The following LDLRAP1 variants were observed in gnomAD, a reference collection of about 807,000 sequenced individuals.
The protein encoded by LDLRAP1 is low density lipoprotein receptor adapter protein 1.
In LDLRAP1, 30 loss-of-function variants were observed where a neutral mutation model predicts 37.8. That is an observed-to-expected ratio of 0.79 (90% CI 0.59 to 1.08). LDLRAP1 has a LOEUF of 1.08. Ranked by LOEUF, LDLRAP1 falls within the 50% of genes least tolerant of loss-of-function variation. The probability of loss-of-function intolerance (pLI) is 0.00; values close to 1 mark genes in which losing one functional copy is unlikely to be tolerated. For missense variants in LDLRAP1, 375 were observed against 401.6 expected, an observed-to-expected ratio of 0.93 and a Z score of 0.57; for synonymous variants, 156 against 169.8, an observed-to-expected ratio of 0.92 and a Z score of 0.63.
chr1:25,570,849 A>G (rs1183386553), downstream of LDLRAP1, among the ~76,000 whole-genome samples: 1 of 151,700 alleles, frequency 6.6e-6, no homozygotes, highest in Non-Finnish European at 1.5e-5. Context: ...ACAGAATGAG[A>G]CTCCTTCTCA....
chr1:25,582,358 G>A, the LDLRAP1 span, among the ~76,000 whole-genome samples: 7 of 152,264 alleles, frequency 4.6e-5, 1 homozygote, highest in East Asian at 5.8e-4. Context: ...AGGCCAAGGC[G>A]GGCAGATCAC....
At chr1:25,564,071 C>T in intron 7 of LDLRAP1, 5 of 467,650 alleles carry the variant, frequency 1.1e-5, no homozygotes, top group Non-Finnish European at 2.0e-5. Flanking sequence ...ACAAGACCAG[C>T]CAAAGGCGCC....
chr1:25,574,673 C>G, the LDLRAP1 span, among the ~76,000 whole-genome samples: 1 of 152,138 alleles, frequency 6.6e-6, no homozygotes. Context: ...GCCAGCCGAG[C>G]AAGAGGCTGA....
Position 25,554,134 on chromosome 1 carries a change from G to T in LDLRAP1, c.231+70G>T. ...ACCAGCTTCTTCCCAGGGTGCCCTC[G>T]TCCCAGCTTGTTACTCCAGTTGGGT... is the stretch of plus-strand genomic sequence containing the variant. On this transcript the variant is annotated intron_variant, in intron 2 of 8. Coordinates refer to ENST00000374338, the MANE Select transcript of LDLRAP1 (RefSeq NM_015627.3). This position sits in a 1 kb window ranked among gnomAD's most constrained non-coding sequence, Gnocchi z 5.4. The T allele has an allele frequency of 6.3e-7, 1 of 1,581,868 alleles. No individual in the cohort carries two copies. Among genetic ancestry groups the T allele is most frequent in the Middle Eastern group, 1.8e-4 (1 of 5,554 alleles).
the LDLRAP1 span, among the ~76,000 whole-genome samples, chr1:25,586,708 T>G: frequency 3.9e-5 from 6 of 152,154 alleles, no homozygotes; most frequent in East Asian, 7.7e-4. This position sits in a 1 kb window ranked among gnomAD's most constrained non-coding sequence, Gnocchi z 4.3. Context: ...GGGCTTCTCC[T>G]GCCTCACTCC....
In LDLRAP1 at chr1:25,550,760, T is replaced by C. The variant is rs181947247; in HGVS notation, c.89-3162T>C. ...GGGGCTTGAGCTGAGGGCCTAAGGC[T>C]GATGAGTGGCAACCAGTCTGTAAGG... On this transcript the variant is annotated intron_variant, in intron 1 of 8. Transcript: ENST00000374338. 1.6e-4 allele frequency among the ~76,000 whole-genome samples: 25 copies of C among 152,124 alleles called. No homozygotes were observed. The East Asian group carries it at 4.4e-3, about 27-fold the overall frequency.
the LDLRAP1 span, among the ~76,000 whole-genome samples, chr1:25,580,575 A>AGGTGC: frequency 1.3e-5 from 2 of 152,118 alleles, no homozygotes; most frequent in African/African-American, 4.8e-5. Context: ...TGGCACAATC[A>AGGTGC]CAGCTCATTG....
chr1:25,551,239 G>C (rs1332808146), intron 1 of LDLRAP1, among the ~76,000 whole-genome samples: 2 of 152,130 alleles, frequency 1.3e-5, no homozygotes, highest in Non-Finnish European at 1.5e-5. Flanking sequence ...GGTTGAAATT[G>C]GTGGCCTGGG....
the LDLRAP1 span, among the ~76,000 whole-genome samples, chr1:25,584,081 G>A: frequency 1.3e-5 from 2 of 152,122 alleles, no homozygotes; most frequent in African/African-American, 4.8e-5. Context: ...TCCTGTCTGT[G>A]GGTTGAGCCT....
intron 4 of LDLRAP1, among the ~76,000 whole-genome samples, chr1:25,560,661 C>T (rs1476813519): frequency 2.0e-5 from 3 of 152,232 alleles, no homozygotes; most frequent in Non-Finnish European, 4.4e-5. Context: ...TCTGGGGCAG[C>T]AGGGCTGCTG....
chr1:25,574,829 T>G, the LDLRAP1 span, among the ~76,000 whole-genome samples: 1 of 152,220 alleles, frequency 6.6e-6, no homozygotes, highest in South Asian at 2.1e-4. Context: ...GTGTGTTTCC[T>G]TGTGCGTCTG....
intron 3 of LDLRAP1, 80 bp from the exon 4 acceptor site, chr1:25,557,073 G>A (rs868055126): frequency 4.9e-6 from 5 of 1,025,436 alleles, no homozygotes; most frequent in African/African-American, 4.7e-5. Context: ...CTGCAACTCA[G>A]GGGAGCTGCC....
At chr1:25,548,770 C>A (rs2044001038) in intron 1 of LDLRAP1, among the ~76,000 whole-genome samples, 1 of 152,172 alleles carries the variant, frequency 6.6e-6, no homozygotes, top group African/African-American at 2.4e-5. Context: ...ACCTCCTGGG[C>A]TCAAGGGATC....
chr1:25,576,252 C>T, the LDLRAP1 span, among the ~76,000 whole-genome samples: 1 of 143,988 alleles, frequency 6.9e-6, no homozygotes, highest in Non-Finnish European at 1.5e-5. Context: ...GTAGGCCAGA[C>T]GTGGTGGCTC....
At position 25,565,429 on chromosome 1, in the gene LDLRAP1, G is replaced by C. The variant is rs993765302; in HGVS notation, c.782+222G>C. On this transcript the variant is annotated intron_variant, in intron 8 of 8. Transcript: ENST00000374338. ...CCAGAGCTGTTAGAAAGTTCTTACT[G>C]TTGAGTCAAAAACTATTCCTGGTGG... Among the ~76,000 whole-genome samples, 4 of 152,264 alleles carry C rather than the reference G, an allele frequency of 2.6e-5. No homozygotes were observed. In the South Asian group the frequency reaches 8.3e-4, roughly 32 times the overall value.
chr1:25,574,986 G>A, the LDLRAP1 span, among the ~76,000 whole-genome samples: 1 of 152,304 alleles, frequency 6.6e-6, no homozygotes, highest in East Asian at 1.9e-4. Context: ...GGACCCAGTA[G>A]GACTGGCCTG....
At chr1:25,552,676 T>C (rs1353359444) in intron 1 of LDLRAP1, among the ~76,000 whole-genome samples, 1 of 152,204 alleles carries the variant, frequency 6.6e-6, no homozygotes, top group Non-Finnish European at 1.5e-5. Flanking sequence ...TCTTTCTTCA[T>C]GTCCTCCTTC....
chr1:25,577,546 G>A, the LDLRAP1 span, among the ~76,000 whole-genome samples: 2 of 152,308 alleles, frequency 1.3e-5, no homozygotes, highest in East Asian at 1.9e-4. Context: ...GATGAGCGTC[G>A]AGCCTGGTGT....
At chr1:25,547,344 G>T (rs1473261106) in intron 1 of LDLRAP1, among the ~76,000 whole-genome samples, 3 of 151,980 alleles carry the variant, frequency 2.0e-5, no homozygotes, top group South Asian at 2.1e-4. Context: ...TTAGCTGGGT[G>T]GGGTGGTGCA....
Sources: allele counts gnomAD v4.1 joint callset (sites outside exome capture counted in the v4.1 genomes callset), GRCh38; gene constraint gnomAD v4.1.1; non-coding constraint Gnocchi (gnomAD v3.1); transcripts MANE v1.5; gene names NCBI Gene and HGNC (gene_info 2026-07-23, HGNC 2026-07-21).